SLCO6A1: variants seen among roughly 807,000 people sequenced by gnomAD.
SLCO6A1 encodes solute carrier organic anion transporter family member 6A1.
SLCO6A1 carries 65 observed loss-of-function variants against 72.7 expected under a neutral mutation model. The ratio of observed to expected loss-of-function variants is 0.89; its 90% CI spans 0.73 to 1.10. The LOEUF is 1.10. SLCO6A1 is among the 50% of genes least tolerant of loss of function. The pLI is 0.00. For synonymous variants in SLCO6A1, 314 were observed against 298.2 expected, an observed-to-expected ratio of 1.05 and a Z score of -0.55; for missense variants, 874 against 872.6, an observed-to-expected ratio of 1.00 and a Z score of -0.02.
chr5:102,443,759 A>C (rs376956351), intron 6 of SLCO6A1, among the ~76,000 whole-genome samples: 5 of 152,232 alleles, frequency 3.3e-5, no homozygotes, highest in African/African-American at 1.2e-4. Flanking sequence ...CATTTTAAAA[A>C]GTCTATTTCT....
intron 10 of SLCO6A1, among the ~76,000 whole-genome samples, chr5:102,396,869 G>C (rs1434639577): frequency 6.6e-6 from 1 of 152,150 alleles, no homozygotes; most frequent in Non-Finnish European, 1.5e-5. Context: ...CCATGTCCAA[G>C]GGGCTGAGTG....
intron 6 of SLCO6A1, among the ~76,000 whole-genome samples, chr5:102,456,023 T>C (rs992312322): frequency 2.6e-5 from 4 of 152,086 alleles, no homozygotes; most frequent in African/African-American, 7.2e-5. Context: ...TATCTCAATA[T>C]ATGCAGAAAA....
chr5:102,485,166 G>A (rs1752389684), intron 1 of SLCO6A1, among the ~76,000 whole-genome samples: 1 of 151,992 alleles, frequency 6.6e-6, no homozygotes, highest in South Asian at 2.1e-4. Flanking sequence ...CAGGAGAATC[G>A]TTTGAACCTG....
intron 1 of SLCO6A1, among the ~76,000 whole-genome samples, chr5:102,492,728 C>T (rs1415860635): frequency 6.6e-6 from 1 of 152,176 alleles, no homozygotes; most frequent in East Asian, 1.9e-4. Context: ...AAGAGCACAC[C>T]AGAAGATTAT....
At chr5:102,437,686 T>C (rs1434469539) in intron 7 of SLCO6A1, among the ~76,000 whole-genome samples, 2 of 152,164 alleles carry the variant, frequency 1.3e-5, no homozygotes, top group Non-Finnish European at 2.9e-5. Context: ...CATAAAAGGT[T>C]TAGATTTATA....
intron 6 of SLCO6A1, among the ~76,000 whole-genome samples, 195 bp from the exon 7 acceptor site, chr5:102,438,956 A>G (rs1371697011): frequency 2.0e-5 from 3 of 152,038 alleles, no homozygotes; most frequent in Admixed American, 2.0e-4. Flanking sequence ...TGATTCACCA[A>G]TATACAAATT....
intron 6 of SLCO6A1, among the ~76,000 whole-genome samples, chr5:102,453,532 T>C (rs1286158604): frequency 6.6e-6 from 1 of 152,138 alleles, no homozygotes; most frequent in East Asian, 1.9e-4. Context: ...TCATGAGGTT[T>C]TGTTGAAAAT....
At chr5:102,394,833 C>A (rs1010381636) in intron 10 of SLCO6A1, among the ~76,000 whole-genome samples, 2 of 151,648 alleles carry the variant, frequency 1.3e-5, no homozygotes, top group Non-Finnish European at 1.5e-5. Flanking sequence ...AAGACAGTAA[C>A]CTTTAGGAGA....
chr5:102,438,874 C>A, intron 6 of SLCO6A1, 113 bp from the exon 7 acceptor site: 1 of 649,638 alleles, frequency 1.5e-6, no homozygotes, highest in South Asian at 3.5e-5. Flanking sequence ...CCAATCTAAA[C>A]TGAAAAGATA....
At chr5:102,387,682 A>G (rs1746491957) in intron 12 of SLCO6A1, among the ~76,000 whole-genome samples, 1 of 152,198 alleles carries the variant, frequency 6.6e-6, no homozygotes, top group South Asian at 2.1e-4. Flanking sequence ...CTTAAATATT[A>G]AAGTCTATCA....
chr5:102,404,723 T>C (rs1349530743), intron 9 of SLCO6A1, among the ~76,000 whole-genome samples: 2 of 152,124 alleles, frequency 1.3e-5, no homozygotes, highest in Admixed American at 6.6e-5. Flanking sequence ...GTACACAATG[T>C]TAGTATGAAA....
chr5:102,464,055 G>A (rs1208069102), intron 4 of SLCO6A1, among the ~76,000 whole-genome samples: 3 of 152,044 alleles, frequency 2.0e-5, no homozygotes, highest in Non-Finnish European at 2.9e-5. Context: ...GGTAGGATGG[G>A]GGGTGAGGGA....
intron 7 of SLCO6A1, among the ~76,000 whole-genome samples, chr5:102,435,836 T>C (rs752402187): frequency 1.3e-5 from 2 of 151,216 alleles, no homozygotes; most frequent in Non-Finnish European, 2.9e-5. Flanking sequence ...GATTACATCA[T>C]TGCACCCCAG....
intron 1 of SLCO6A1, among the ~76,000 whole-genome samples, chr5:102,496,765 T>A: frequency 6.6e-6 from 1 of 152,336 alleles, no homozygotes; most frequent in Non-Finnish European, 1.5e-5. Context: ...TGATGGATAA[T>A]ATAAATATAA....
intron 4 of SLCO6A1, among the ~76,000 whole-genome samples, chr5:102,467,573 T>C (rs898768992): frequency 6.6e-6 from 1 of 152,104 alleles, no homozygotes; most frequent in Admixed American, 6.6e-5. Context: ...CCTGCCCTTA[T>C]CATGTGGGGG....
intron 6 of SLCO6A1, among the ~76,000 whole-genome samples, chr5:102,451,997 A>T (rs1485460445): frequency 1.3e-5 from 2 of 152,252 alleles, no homozygotes; most frequent in Non-Finnish European, 2.9e-5. Flanking sequence ...TACCAATAGG[A>T]AGATGACTAA....
At chr5:102,450,028 T>C (rs1750331569) in intron 6 of SLCO6A1, among the ~76,000 whole-genome samples, 1 of 152,210 alleles carries the variant, frequency 6.6e-6, no homozygotes, top group South Asian at 2.1e-4. Flanking sequence ...CTTTCATCAC[T>C]TTCATCATTT....
chr5:102,446,203 G>C (rs534631034), intron 6 of SLCO6A1, among the ~76,000 whole-genome samples: 2 of 152,270 alleles, frequency 1.3e-5, no homozygotes, highest in African/African-American at 4.8e-5. Context: ...CTATTCATGA[G>C]TATGGAATAT....
intron 12 of SLCO6A1, among the ~76,000 whole-genome samples, chr5:102,385,399 C>G (rs2112499463): frequency 6.6e-6 from 1 of 152,126 alleles, no homozygotes; most frequent in East Asian, 1.9e-4. Context: ...CTTTCTACCC[C>G]TTTATCTTTC....
Sources: gnomAD v4.1 joint callset for allele counts (sites outside exome capture counted in the v4.1 genomes callset) on GRCh38, gnomAD v4.1.1 for gene constraint, MANE v1.5 for transcripts, NCBI Gene and HGNC (gene_info 2026-07-23, HGNC 2026-07-21) for gene names.